The following ITIH4 variants were observed in gnomAD, a reference collection of about 807,000 sequenced individuals.
The protein encoded by ITIH4 is inter-alpha-trypsin inhibitor heavy chain H4.
ITIH4 carries 79 observed loss-of-function variants against 111.8 expected under a neutral mutation model. The ratio of observed to expected loss-of-function variants is 0.71; its 90% confidence interval spans 0.59 to 0.85. The LOEUF (loss-of-function observed/expected upper bound fraction) is 0.85. Among genes scored for constraint, ITIH4 ranks in the 40% least tolerant of loss-of-function variants. ITIH4 has a pLI of 0.00. For synonymous variants in ITIH4, 472 were observed against 468.3 expected (o/e 1.01, Z -0.10); for missense variants, 1,065 against 1,195.8 (o/e 0.89, Z 1.61).
chr3:52,820,949 T>C lies in ITIH4; in HGVS notation c.1679+42A>G, dbSNP rs377224640. 9 of 1,602,652 alleles carry C rather than the reference T, an allele frequency of 5.6e-6. No individual in the cohort carries two copies. The African/African-American group carries it at 1.1e-4, about 19-fold the overall frequency. ...GGCGCTGTACCGTGCCACCTGTGCC[T>C]GCCCCCTAGCGACAGGCTTAGGGAG... On this transcript the variant is annotated intron_variant, in intron 12 of 23. Coordinates refer to ENST00000266041, the MANE Select transcript of ITIH4 (RefSeq NM_002218.5).
chr3:52,819,559 G>A, intron 16 of ITIH4, 41 bp from the exon 17 acceptor site: 2 of 1,612,956 alleles, frequency 1.2e-6, no homozygotes, highest in Non-Finnish European at 1.7e-6. Context: ...CTCAGGTGGG[G>A]TGTGGGTCTT....
intron 2 of ITIH4, among the ~76,000 whole-genome samples, 187 bp from the exon 3 acceptor site, chr3:52,827,384 A>G (rs1700500835): frequency 6.6e-6 from 1 of 152,210 alleles, no homozygotes; most frequent in African/African-American, 2.4e-5. Flanking sequence ...CACTCTGCAA[A>G]GTGCTCCAGG....
rs1700412444 is a variant in ITIH4 at position 52,823,029 on chromosome 3, T to C, written c.1539+527A>G. On this transcript the variant is annotated intron_variant, in intron 11 of 23. Transcript: ENST00000266041. ...GAGGGCACGGAGGGGTCAGCCTCAT[T>C]CACTGCTGCATCCCAGGGCCTGAAG... Among the ~76,000 whole-genome samples, 3 of 152,164 alleles carry C rather than the reference T, an allele frequency of 2.0e-5. No homozygotes were observed. The South Asian group carries it at 6.2e-4, about 32-fold the overall frequency.
At chr3:52,821,255 A>G in intron 11 of ITIH4, 125 bp from the exon 12 acceptor site, 2 of 1,131,518 alleles carry the variant, frequency 1.8e-6, no homozygotes, top group Non-Finnish European at 2.5e-6. Context: ...TGGGGACTGC[A>G]TTTCCTTTGA....
At position 52,826,947 on chromosome 3, in the gene ITIH4, G is replaced by A. The variant is rs34967967; in HGVS notation, c.363C>T (p.Thr121=). The change falls in exon 4 of 24, where the codon ACC becomes ACT. Residue 121 remains threonine (T), a synonymous_variant. Coordinates refer to ENST00000266041, the MANE Select transcript of ITIH4 (RefSeq NM_002218.5). The part of the protein sequence containing the change: ...KGKSAGLVKA[T]GRNMEQFQVS... ...CCTGGAACTGCTCCATGTTTCTCCCGGTGGCCCTGGGGGAGAAGGGCATCA... is the reference window on the plus strand; with the variant it reads ...CCTGGAACTGCTCCATGTTTCTCCCAGTGGCCCTGGGGGAGAAGGGCATCA... 1.2e-3 allele frequency: 1,999 copies of A among 1,614,034 alleles called. 17 individuals are homozygous for A. In the African/African-American group the frequency reaches 0.022, roughly 18 times the overall value.
intron 20 of ITIH4, 23 bp downstream of exon 20, chr3:52,818,027 GTC>G: frequency 2.6e-6 from 4 of 1,558,652 alleles, no homozygotes; most frequent in Non-Finnish European, 3.5e-6. Flanking sequence ...TGGTGTCTGG[GTC>G]TCTCTGGGTG....
chr3:52,829,280 C>G lies in ITIH4; in HGVS notation c.91-1G>C. The G allele has an allele frequency of 6.2e-7, 1 of 1,601,450 alleles. No individual in the cohort carries two copies. The highest frequency in any genetic ancestry group is 1.1e-5 in the South Asian group (1 of 90,630). On this transcript the variant is annotated splice_acceptor_variant, in intron 1 of 23. Coordinates refer to ENST00000266041, the MANE Select transcript of ITIH4 (RefSeq NM_002218.5). LOFTEE classifies it high-confidence loss of function. ...TGAGGCTGTAGATGTCGATGCCATT[C>G]TGGACCAGCAAAGAAGAAGGGGGTT... is the stretch of plus-strand genomic sequence containing the variant.
At chr3:52,819,305 G>T in intron 17 of ITIH4, 88 bp downstream of exon 17, 1 of 1,497,972 alleles carries the variant, frequency 6.7e-7, no homozygotes, top group Non-Finnish European at 9.2e-7. Flanking sequence ...GCCCTGTGGT[G>T]CGTGCTTTAC....
intron 22 of ITIH4, 22 bp downstream of exon 22, chr3:52,814,187 G>A (rs1700236676): frequency 6.2e-7 from 1 of 1,609,678 alleles, no homozygotes; most frequent in South Asian, 1.1e-5. Context: ...GAAGGCCTGG[G>A]CCCCGGTAAT....
intron 21 of ITIH4, among the ~76,000 whole-genome samples, chr3:52,816,341 T>C (rs1048157056): frequency 2.0e-5 from 3 of 152,224 alleles, no homozygotes; most frequent in African/African-American, 7.2e-5. Flanking sequence ...TTGTGTCTCC[T>C]TAGCAAAGCT....
In ITIH4 at chr3:52,830,620, C is replaced by T. The variant is rs371181006; in HGVS notation, c.23G>A (p.Arg8His). 17 of 1,613,304 alleles carry T rather than the reference C, an allele frequency of 1.1e-5. No individual in the cohort carries two copies. The African/African-American group carries it at 1.1e-4, about 10-fold the overall frequency. ...CAGGACGAGAACTTTGCTGCAGGTA[C>T]GGACAGGCCTTGGGGGCTTCATCGT... is the stretch of plus-strand genomic sequence containing the variant. MKPPRPV[R>H]TCSKVLVLLS... Residue 8 changes from arginine to histidine, a missense_variant, in exon 1 of 24, where the codon CGT becomes CAT. By Grantham distance (29) the Arg-to-His change is conservative. Coordinates refer to ENST00000266041, the MANE Select transcript of ITIH4 (RefSeq NM_002218.5).
chr3:52,817,888 G>A (rs1237070218), intron 20 of ITIH4, among the ~76,000 whole-genome samples, 164 bp downstream of exon 20: 2 of 152,272 alleles, frequency 1.3e-5, no homozygotes, highest in Non-Finnish European at 2.9e-5. Flanking sequence ...TCCCCGGGGT[G>A]TCTGTGTGAG....
chr3:52,815,164 T>C (rs1700258009), intron 21 of ITIH4, among the ~76,000 whole-genome samples: 1 of 152,230 alleles, frequency 6.6e-6, no homozygotes, highest in South Asian at 2.1e-4. Context: ...TACTCAGAGG[T>C]TATTTGAAAC....
At position 52,824,425 on chromosome 3, in the gene ITIH4, G is replaced by C; in HGVS notation, c.1017C>G (p.Ser339Arg). 1 of 1,614,184 alleles carries C rather than the reference G, an allele frequency of 6.2e-7. No homozygotes were observed. The highest frequency in any genetic ancestry group is 8.5e-7 in the Non-Finnish European group (1 of 1,180,040). Residue 339 changes from serine to arginine, a missense_variant, in exon 8 of 24, where the codon AGC (serine) becomes AGG (arginine). By Grantham distance (110) the Ser-to-Arg change is moderately radical. Transcript: ENST00000266041. This position sits in a 1 kb window ranked among gnomAD's most constrained non-coding sequence, Gnocchi z 4.3. ...ASAENVNKAR[S>R]FAAGIQALGG... The stretch of plus-strand genomic sequence containing the variant: ...CCAGGGCCTGGATGCCCGCAGCAAA[G>C]CTCCTGGCCTTGTTCACGTTCTCGG...
intron 3 of ITIH4, 38 bp from the exon 4 acceptor site, chr3:52,826,991 A>C (rs1216505785): frequency 1.2e-6 from 2 of 1,613,744 alleles, no homozygotes; most frequent in East Asian, 4.5e-5. Flanking sequence ...CCTCCAGGAC[A>C]GGTGGGGTAA....
intron 21 of ITIH4, among the ~76,000 whole-genome samples, chr3:52,815,835 G>C (rs1005135835): frequency 6.6e-6 from 1 of 151,856 alleles, no homozygotes; most frequent in East Asian, 2.0e-4. Context: ...ACAGGTGCCC[G>C]CCACCATACC....
intron 20 of ITIH4, 117 bp downstream of exon 20, chr3:52,817,935 C>T (rs1222312505): frequency 1.2e-6 from 1 of 813,756 alleles, no homozygotes; most frequent in Non-Finnish European, 2.1e-6. Flanking sequence ...CAGGACCATG[C>T]TATGATCTGG....
intron 17 of ITIH4, 71 bp from the exon 18 acceptor site, chr3:52,818,607 G>T: frequency 1.5e-6 from 2 of 1,306,232 alleles, no homozygotes; most frequent in South Asian, 1.3e-5. Flanking sequence ...CAGCAGCGCT[G>T]CCACCAAGCT....
At chr3:52,813,533 C>T (rs371482815) in intron 23 of ITIH4, 43 bp from the exon 24 acceptor site, 81 of 1,568,416 alleles carry the variant, frequency 5.2e-5, no homozygotes, top group Admixed American at 2.7e-4. Context: ...GTCAGCAAAT[C>T]TCAGGTGTGG....
Sources: gnomAD v4.1 joint callset for allele counts (sites outside exome capture counted in the v4.1 genomes callset) on GRCh38, gnomAD v4.1.1 for gene constraint, Gnocchi (gnomAD v3.1) non-coding constraint, MANE v1.5 for transcripts, NCBI Gene and HGNC (gene_info 2026-07-23, HGNC 2026-07-21) for gene names.